Variants in NRG1 observed in about 807,000 individuals in gnomAD.
NRG1 encodes pro-neuregulin-1, membrane-bound isoform.
Under a neutral mutation model 63.8 loss-of-function variants are expected in NRG1, and 18 were observed. That is an observed-to-expected ratio of 0.28 (90% confidence interval 0.19 to 0.42). NRG1 has a LOEUF of 0.42. NRG1 is among the 10% of genes least tolerant of loss of function. NRG1 has a pLI of 1.00. For synonymous variants in NRG1, 302 were observed against 301.3 expected (o/e 1.00, Z -0.02); for missense variants, 762 against 814.7 (o/e 0.94, Z 0.79).
At chr8:31,890,264 A>G (rs1266575869) in intron 1 of NRG1, among the ~76,000 whole-genome samples, 3 of 152,226 alleles carry the variant, frequency 2.0e-5, no homozygotes, top group Non-Finnish European at 2.9e-5. Flanking sequence ...TCTTTTCAAG[A>G]TATCTACCTT....
At chr8:32,549,227 C>A (rs1380080605) in intron 1 of NRG1, among the ~76,000 whole-genome samples, 2 of 152,238 alleles carry the variant, frequency 1.3e-5, no homozygotes, top group Non-Finnish European at 2.9e-5. Context: ...GGGCCGTGTG[C>A]CCTCTAGCGG....
At chr8:31,733,183 G>A (rs1814288090) in intron 1 of NRG1, among the ~76,000 whole-genome samples, 1 of 144,060 alleles carries the variant, frequency 6.9e-6, no homozygotes, top group Non-Finnish European at 1.5e-5. Context: ...GCATTCCATT[G>A]TGTACCTATT....
At chr8:32,496,985 A>G (rs1827270214) in intron 1 of NRG1, among the ~76,000 whole-genome samples, 1 of 152,208 alleles carries the variant, frequency 6.6e-6, no homozygotes. Flanking sequence ...GACTTTTAGT[A>G]AGTTGCCCAG....
chr8:32,710,187 A>G (rs948488665), intron 5 of NRG1, among the ~76,000 whole-genome samples: 3 of 152,206 alleles, frequency 2.0e-5, no homozygotes, highest in African/African-American at 4.8e-5. Flanking sequence ...TGTGATTTGC[A>G]TGTTATATAC....
intron 5 of NRG1, among the ~76,000 whole-genome samples, chr8:32,711,717 C>T (rs1035082898): frequency 1.3e-5 from 2 of 152,088 alleles, no homozygotes; most frequent in South Asian, 2.1e-4. Context: ...TTCTCCAGTT[C>T]CTCCCTCGTG....
chr8:31,726,009 A>G (rs973239273), intron 1 of NRG1, among the ~76,000 whole-genome samples: 2 of 152,172 alleles, frequency 1.3e-5, no homozygotes, highest in Non-Finnish European at 2.9e-5. Context: ...GTCTGAAACA[A>G]TATTTGGAGA....
upstream of NRG1, among the ~76,000 whole-genome samples, chr8:32,547,187 C>T (rs1056890778): frequency 6.6e-6 from 1 of 152,154 alleles, no homozygotes; most frequent in African/African-American, 2.4e-5. Context: ...GTGCCCGTTA[C>T]CCTGGTCTTT....
chr8:32,720,620 A>G (rs539037535), intron 5 of NRG1, among the ~76,000 whole-genome samples: 2 of 152,282 alleles, frequency 1.3e-5, no homozygotes, highest in South Asian at 4.1e-4. Flanking sequence ...TGGCTTTGTG[A>G]AGAAGAAAAT....
At chr8:32,704,837 T>C (rs1815920337) in intron 5 of NRG1, among the ~76,000 whole-genome samples, 1 of 152,216 alleles carries the variant, frequency 6.6e-6, no homozygotes, top group African/African-American at 2.4e-5. Context: ...GGTGCATTCA[T>C]CTGCTGATGG....
At chr8:31,663,859 T>A (rs1374746367) in intron 1 of NRG1, among the ~76,000 whole-genome samples, 1 of 152,098 alleles carries the variant, frequency 6.6e-6, no homozygotes, top group Admixed American at 6.5e-5. Flanking sequence ...GTGCTGCAGT[T>A]TGCTATTATA....
chr8:31,639,296 C>A, exon 1 of NRG1: 1 of 1,442,352 alleles, frequency 6.9e-7, no homozygotes, highest in East Asian at 2.5e-5. Context: ...GCCCGTCCTC[C>A]CATTGCAGCA....
downstream of NRG1, among the ~76,000 whole-genome samples, chr8:32,770,459 A>G (rs573382962): frequency 6.6e-6 from 1 of 152,268 alleles, no homozygotes; most frequent in South Asian, 2.1e-4. Context: ...TCAAGCAGAA[A>G]CAGGTTTTTT....
intron 1 of NRG1, among the ~76,000 whole-genome samples, chr8:31,720,286 A>G (rs1196398243): frequency 1.3e-5 from 2 of 152,124 alleles, no homozygotes; most frequent in African/African-American, 4.8e-5. Context: ...ATTTTTGAGT[A>G]GATATGTGTA....
intron 3 of NRG1, among the ~76,000 whole-genome samples, chr8:32,608,092 G>GTTTTTTTTTTTT (rs1226154193): frequency 1.8e-4 from 19 of 106,192 alleles, no homozygotes; most frequent in Non-Finnish European, 2.6e-4. Context: ...GGTTTTTTTT[G>GTTTTTTTTTTTT]TTTTTTTTTT....
At chr8:32,179,187 T>TA (rs35411561) in intron 1 of NRG1, among the ~76,000 whole-genome samples, 30,494 of 66,584 alleles carry the variant, frequency 0.46, 8,655 homozygotes, top group Non-Finnish European at 0.55. Context: ...CTCACAGTCA[T>TA]AAAAAAAAAA....
chr8:32,535,511 A>C (rs953228405), intron 1 of NRG1, among the ~76,000 whole-genome samples: 1 of 152,194 alleles, frequency 6.6e-6, no homozygotes, highest in Non-Finnish European at 1.5e-5. Flanking sequence ...ACCCTCTAAA[A>C]ATAGAAAAAA....
intron 1 of NRG1, among the ~76,000 whole-genome samples, chr8:32,355,825 T>A (rs1327192580): frequency 6.6e-6 from 1 of 152,174 alleles, no homozygotes; most frequent in Admixed American, 6.5e-5. Context: ...GGTACCTGGG[T>A]GATCACAAAC....
At chr8:32,003,135 G>A (rs1008147168) in intron 1 of NRG1, among the ~76,000 whole-genome samples, 1 of 152,024 alleles carries the variant, frequency 6.6e-6, no homozygotes, top group African/African-American at 2.4e-5. Flanking sequence ...TACCTTCAGT[G>A]AGGTTGTAGT....
chr8:31,893,938 A>G (rs1337918737), intron 1 of NRG1, among the ~76,000 whole-genome samples: 1 of 152,126 alleles, frequency 6.6e-6, no homozygotes, highest in Non-Finnish European at 1.5e-5. Context: ...CCTACCGAAT[A>G]GTAAGAATAT....
Sources: allele counts gnomAD v4.1 joint callset (sites outside exome capture counted in the v4.1 genomes callset), GRCh38; gene constraint gnomAD v4.1.1; transcripts MANE v1.5; gene names NCBI Gene and HGNC (gene_info 2026-07-23, HGNC 2026-07-21).